GASK1A: variants seen among roughly 807,000 people sequenced by gnomAD.
GASK1A encodes the protein Golgi-associated kinase 1A.
GASK1A carries 40 observed loss-of-function variants against 41.2 expected under a neutral mutation model. The ratio of observed to expected loss-of-function variants is 0.97; its 90% CI spans 0.75 to 1.27. GASK1A has a LOEUF of 1.27. Among genes scored for constraint, GASK1A ranks in the 50% most tolerant of loss-of-function variants. GASK1A has a pLI of 0.00. For synonymous variants in GASK1A, 316 were observed against 307.1 expected (o/e 1.03, Z -0.30); for missense variants, 678 against 745.1 (o/e 0.91, Z 1.05).
At chr3:43,008,613 A>G (rs747890038) in intron 1 of GASK1A, among the ~76,000 whole-genome samples, 58 of 152,260 alleles carry the variant, frequency 3.8e-4, no homozygotes, top group Middle Eastern at 6.8e-3. Context: ...GTCTTCTAAG[A>G]GGTATTTTGT....
intron 1 of GASK1A, among the ~76,000 whole-genome samples, chr3:42,997,457 C>T (rs1406451099): frequency 6.6e-6 from 1 of 150,892 alleles, no homozygotes; most frequent in African/African-American, 2.4e-5. Flanking sequence ...GATCTGGGAT[C>T]CTTAGAAATG....
Position 43,033,124 on chromosome 3 carries a change from G to A in GASK1A, c.861G>A (p.Gly287=). 1 of 1,551,104 alleles carries A rather than the reference G, an allele frequency of 6.4e-7. No homozygotes were observed. The highest frequency in any genetic ancestry group is 8.7e-7 in the Non-Finnish European group (1 of 1,146,612). Residue 287 remains glycine, a synonymous_variant, in exon 2 of 5, where the codon GGG becomes GGA. Coordinates refer to ENST00000430121, the MANE Select transcript of GASK1A (RefSeq NM_001129908.3). ...VVDKARVPAH[G]QVLQVGFSTE... The stretch of plus-strand genomic sequence containing the variant: ...ACAAAGCCAGGGTCCCCGCCCATGG[G>A]CAGGTGCTACAGGTTGGCTTCTCCA...
At chr3:43,046,493 A>G (rs537476377) in intron 2 of GASK1A, among the ~76,000 whole-genome samples, 26 of 152,234 alleles carry the variant, frequency 1.7e-4, no homozygotes, top group Non-Finnish European at 3.4e-4. Flanking sequence ...AGTTTTATGC[A>G]TTCACAGAGA....
intron 1 of GASK1A, among the ~76,000 whole-genome samples, chr3:42,995,053 A>G (rs1182633629): frequency 2.0e-5 from 3 of 152,214 alleles, no homozygotes; most frequent in African/African-American, 7.2e-5. Context: ...ACATGTGGCT[A>G]GTGGCTCTCA....
At position 42,979,595 on chromosome 3, in the gene GASK1A, C is replaced by A. The variant is rs1346215650; in HGVS notation, c.-48C>A. 3.2e-6 allele frequency: 4 copies of A among 1,240,386 alleles called. No individual in the cohort carries two copies. Among genetic ancestry groups the A allele is most frequent in the Non-Finnish European group, 4.1e-6 (4 of 987,624 alleles). 76.8% of individuals were successfully genotyped at this position (1,240,386 alleles called of 1,614,324 possible). A position where few individuals can be genotyped will look rare whatever the true frequency, so the allele number is the denominator to read the frequency against. On this transcript the variant is annotated 5_prime_UTR_variant, in exon 1 of 5. Coordinates refer to ENST00000430121, the MANE Select transcript of GASK1A (RefSeq NM_001129908.3). ...GCCAAGGGGAGGCGGGATGAGTCTG[C>A]GAGCCGGCTGAGCGCGCCGAGGAGC...
intron 1 of GASK1A, among the ~76,000 whole-genome samples, chr3:42,998,363 G>A (rs141447890): frequency 3.4e-3 from 513 of 152,300 alleles, no homozygotes; most frequent in East Asian, 0.013. Flanking sequence ...AGAGTTCATG[G>A]CTGGTGGGTG....
At chr3:43,009,705 TGTAA>T (rs2089454159) in intron 1 of GASK1A, among the ~76,000 whole-genome samples, 1 of 152,210 alleles carries the variant, frequency 6.6e-6, no homozygotes, top group African/African-American at 2.4e-5. Flanking sequence ...GTGAAAAACA[TGTAA>T]CAAACTCATG....
chr3:43,021,432 C>G (rs2089521704), intron 1 of GASK1A, among the ~76,000 whole-genome samples: 1 of 152,144 alleles, frequency 6.6e-6, no homozygotes, highest in Non-Finnish European at 1.5e-5. Flanking sequence ...GAAAGAGCTT[C>G]TCTTTCTGTC....
intron 1 of GASK1A, among the ~76,000 whole-genome samples, chr3:43,014,942 G>A (rs1252354631): frequency 6.6e-6 from 1 of 152,032 alleles, no homozygotes; most frequent in Non-Finnish European, 1.5e-5. Flanking sequence ...CTACTGGAAG[G>A]GGCTTGTGTG....
chr3:43,040,641 C>T (rs1372779691), intron 2 of GASK1A, among the ~76,000 whole-genome samples: 1 of 152,126 alleles, frequency 6.6e-6, no homozygotes, highest in Non-Finnish European at 1.5e-5. Context: ...TTTTCTTCAG[C>T]TGGGTCTTCA....
chr3:42,979,686 C>A, intron 1 of GASK1A, 41 bp downstream of exon 1: 1 of 1,245,686 alleles, frequency 8.0e-7, no homozygotes. Context: ...GAGGGTGGGG[C>A]GATCACCAGG....
At chr3:43,037,391 A>G in intron 2 of GASK1A, 2 of 964,520 alleles carry the variant, frequency 2.1e-6, no homozygotes, top group Non-Finnish European at 3.3e-6. Flanking sequence ...CACTAAGTAC[A>G]GACAGCCCTT....
At chr3:43,016,140 A>T (rs957920371) in intron 1 of GASK1A, among the ~76,000 whole-genome samples, 48 of 151,384 alleles carry the variant, frequency 3.2e-4, no homozygotes, top group Admixed American at 2.0e-4. Flanking sequence ...GGGCATAGGA[A>T]GTCACAGGAA....
At chr3:42,988,023 G>C (rs900269718) in intron 1 of GASK1A, among the ~76,000 whole-genome samples, 2 of 138,734 alleles carry the variant, frequency 1.4e-5, no homozygotes, top group Admixed American at 1.4e-4. Context: ...ATGGGGGTAG[G>C]ATAGAGAGAA....
At chr3:43,009,541 A>C (rs2089453245) in intron 1 of GASK1A, among the ~76,000 whole-genome samples, 1 of 152,178 alleles carries the variant, frequency 6.6e-6, no homozygotes, top group African/African-American at 2.4e-5. Context: ...CAGAGTTGGA[A>C]TCTCAGCTCT....
chr3:42,993,412 A>G (rs2089352446), intron 1 of GASK1A, among the ~76,000 whole-genome samples: 1 of 152,244 alleles, frequency 6.6e-6, no homozygotes, highest in South Asian at 2.1e-4. Context: ...GTATACTGAT[A>G]GATATTGGTT....
chr3:43,016,527 G>A (rs1292035706), intron 1 of GASK1A, among the ~76,000 whole-genome samples: 1 of 151,790 alleles, frequency 6.6e-6, no homozygotes, highest in Non-Finnish European at 1.5e-5. Context: ...GCTGTGTGAG[G>A]TCACAGGGAA....
chr3:43,043,820 A>G (rs897907656), intron 2 of GASK1A, among the ~76,000 whole-genome samples: 2 of 152,106 alleles, frequency 1.3e-5, no homozygotes, highest in Admixed American at 6.5e-5. Flanking sequence ...CAAAAAGGGG[A>G]AAAAAATCAA....
At chr3:42,992,488 C>G (rs989156454) in intron 1 of GASK1A, among the ~76,000 whole-genome samples, 1 of 152,218 alleles carries the variant, frequency 6.6e-6, no homozygotes, top group African/African-American at 2.4e-5. Flanking sequence ...CCTTGGACAA[C>G]AGACAGGCCT....
Sources: allele counts gnomAD v4.1 joint callset (sites outside exome capture counted in the v4.1 genomes callset), GRCh38; gene constraint gnomAD v4.1.1; transcripts MANE v1.5; gene names NCBI Gene and HGNC (gene_info 2026-07-23, HGNC 2026-07-21).